GRIA4: variants seen among roughly 807,000 people sequenced by gnomAD.
GRIA4 encodes glutamate ionotropic receptor AMPA type subunit 4.
In GRIA4, 34 loss-of-function variants were observed where a neutral mutation model predicts 104.0. The observed-to-expected ratio is 0.33, with a 90% CI of 0.25 to 0.44. The LOEUF (loss-of-function observed/expected upper bound fraction) is 0.44, where lower values mean the gene tolerates loss of function less well. Among genes scored for constraint, GRIA4 ranks in the 20% least tolerant of loss-of-function variants. GRIA4 has a pLI of 1.00. For synonymous variants in GRIA4, 386 were observed against 381.9 expected (o/e 1.01, Z -0.13); for missense variants, 750 against 1,096.5 (o/e 0.68, Z 4.46).
intron 3 of GRIA4, among the ~76,000 whole-genome samples, chr11:105,721,167 T>G (rs1008599273): frequency 6.6e-6 from 1 of 152,190 alleles, no homozygotes; most frequent in African/African-American, 2.4e-5. Flanking sequence ...CAATCTCTTT[T>G]GCTAATTAAA....
chr11:105,895,404 G>C (rs1199095919), intron 6 of GRIA4, among the ~76,000 whole-genome samples: 1 of 151,618 alleles, frequency 6.6e-6, no homozygotes, highest in African/African-American at 2.4e-5. Flanking sequence ...ATTTTTATAA[G>C]GTACCTAAAA....
chr11:105,832,677 G>T (rs1272158817), intron 4 of GRIA4, among the ~76,000 whole-genome samples: 2 of 151,834 alleles, frequency 1.3e-5, no homozygotes, highest in Non-Finnish European at 2.9e-5. Context: ...CTTTTCATTT[G>T]TCCATGGAGA....
At chr11:105,921,306 G>GGTGTGGGT (rs1947553246) in intron 11 of GRIA4, among the ~76,000 whole-genome samples, 1 of 138,768 alleles carries the variant, frequency 7.2e-6, no homozygotes, top group Admixed American at 7.2e-5. Flanking sequence ...ACCACACTTG[G>GGTGTGGGT]GTGTGTGTGT....
chr11:105,645,884 G>A (rs73636744), intron 3 of GRIA4, among the ~76,000 whole-genome samples: 20 of 152,244 alleles, frequency 1.3e-4, no homozygotes, highest in African/African-American at 4.8e-4. Flanking sequence ...TTGAACAAAA[G>A]TTCAATCTCT....
chr11:105,826,063 C>T (rs867699557), intron 4 of GRIA4, among the ~76,000 whole-genome samples: 1 of 151,968 alleles, frequency 6.6e-6, no homozygotes, highest in East Asian at 1.9e-4. Flanking sequence ...GATTCCCTTG[C>T]CTCCCCAGCA....
chr11:105,819,948 T>C (rs1741802983), intron 4 of GRIA4, among the ~76,000 whole-genome samples: 1 of 152,040 alleles, frequency 6.6e-6, no homozygotes, highest in Non-Finnish European at 1.5e-5. Flanking sequence ...AAGATGGTTA[T>C]GTGAAGATGG....
In GRIA4 at chr11:105,610,927, T is replaced by A; in HGVS notation, c.-71T>A. On this transcript the variant is annotated 5_prime_UTR_variant, in exon 2 of 17. Coordinates refer to ENST00000282499, the MANE Select transcript of GRIA4 (RefSeq NM_000829.4). The stretch of plus-strand genomic sequence containing the variant: ...TTTTAGCGCCATCGTCTTCAATGCT[T>A]CTCTGAACAGCCTTTAGGAAGAGTG... 2 of 830,856 alleles carry A rather than the reference T, an allele frequency of 2.4e-6. No homozygotes were observed. The allele number at this position is 830,856 out of a possible 1,614,324, so 51.5% of individuals were successfully genotyped here.
chr11:105,888,271 CTTTTTT>C (rs71469040), intron 6 of GRIA4, among the ~76,000 whole-genome samples: 16 of 54,560 alleles, frequency 2.9e-4, no homozygotes, highest in East Asian at 6.2e-4. Context: ...ATGTTTTCTC[CTTTTTT>C]TTTTTTTTTT....
At chr11:105,688,162 CTA>C (rs754156987) in intron 3 of GRIA4, among the ~76,000 whole-genome samples, 2 of 136,664 alleles carry the variant, frequency 1.5e-5, no homozygotes, top group African/African-American at 5.8e-5. Flanking sequence ...ATATCTCTAT[CTA>C]TCTATCTATC....
At chr11:105,711,477 A>T (rs1953909109) in intron 3 of GRIA4, among the ~76,000 whole-genome samples, 1 of 152,140 alleles carries the variant, frequency 6.6e-6, no homozygotes, top group Non-Finnish European at 1.5e-5. Flanking sequence ...ATGATAGAAC[A>T]TACTGTGTCT....
At chr11:105,673,053 G>C (rs1445784240) in intron 3 of GRIA4, among the ~76,000 whole-genome samples, 1 of 152,022 alleles carries the variant, frequency 6.6e-6, no homozygotes, top group African/African-American at 2.4e-5. Flanking sequence ...TATGCTCTTA[G>C]AGTAAACTCT....
At chr11:105,884,582 C>G (rs538924497) in intron 5 of GRIA4, among the ~76,000 whole-genome samples, 1 of 152,280 alleles carries the variant, frequency 6.6e-6, no homozygotes, top group African/African-American at 2.4e-5. Flanking sequence ...AGCAGAGATA[C>G]TGATGCCTCT....
intron 4 of GRIA4, among the ~76,000 whole-genome samples, chr11:105,813,104 A>C (rs1200949887): frequency 2.0e-5 from 3 of 151,090 alleles, no homozygotes; most frequent in Non-Finnish European, 3.0e-5. Flanking sequence ...AAAAAAAAAA[A>C]AAAAAAAAAA....
chr11:105,744,577 CA>C (rs1445476990), intron 3 of GRIA4, among the ~76,000 whole-genome samples: 1 of 152,066 alleles, frequency 6.6e-6, no homozygotes, highest in African/African-American at 2.4e-5. Context: ...CACCTCAAAG[CA>C]TTCATATTCA....
rs541415073 is a variant in GRIA4 at position 105,815,449 on chromosome 11, C to T, written c.488-46575C>T. On this transcript the variant is annotated intron_variant, in intron 4 of 16. Coordinates refer to ENST00000282499, the MANE Select transcript of GRIA4 (RefSeq NM_000829.4). Reference sequence around the variant, plus strand: ...AAAGGTAGATGGGAATGTTTCCCTTCCCAGAGCCCTGCTATTCTTCCTACT... The same window carrying T: ...AAAGGTAGATGGGAATGTTTCCCTTTCCAGAGCCCTGCTATTCTTCCTACT... Among the ~76,000 whole-genome samples, 35 of 152,240 alleles carry T rather than the reference C, an allele frequency of 2.3e-4. 1 individual carries two copies. The East Asian group carries it at 2.7e-3, about 12-fold the overall frequency.
intron 3 of GRIA4, among the ~76,000 whole-genome samples, chr11:105,666,242 G>A (rs1054802491): frequency 7.9e-5 from 12 of 151,822 alleles, no homozygotes; most frequent in Non-Finnish European, 1.5e-4. Context: ...TCTATTGATT[G>A]TACCATATTA....
At position 105,808,863 on chromosome 11, in the gene GRIA4, G is replaced by A. The variant is rs914159149; in HGVS notation, c.488-53161G>A. On this transcript the variant is annotated intron_variant, in intron 4 of 16. Coordinates refer to ENST00000282499, the MANE Select transcript of GRIA4 (RefSeq NM_000829.4). ...TCTACAGCTAAATTCCTAACATGAC[G>A]GCAAGTGTAGAATTTAATGAATTCC... Among the ~76,000 whole-genome samples the A allele has an allele frequency of 4.6e-5, 7 of 152,028 alleles. No homozygotes were observed. In the East Asian group the frequency reaches 1.4e-3, roughly 29 times the overall value.
intron 3 of GRIA4, among the ~76,000 whole-genome samples, chr11:105,631,674 T>C (rs1342614046): frequency 6.6e-6 from 1 of 152,322 alleles, no homozygotes; most frequent in East Asian, 1.9e-4. Flanking sequence ...CTTTCTTTGC[T>C]GTGCCACACA....
At position 105,898,415 on chromosome 11, in the gene GRIA4, G is replaced by A. The variant is rs1259726628; in HGVS notation, c.873G>A (p.Glu291=). 6.3e-7 allele frequency: 1 copy of A among 1,575,214 alleles called. No homozygotes were observed. Among genetic ancestry groups the A allele is most frequent in the Non-Finnish European group, 8.7e-7 (1 of 1,146,268 alleles). The change falls in exon 7 of 17, where the codon GAG becomes GAA. Residue 291 remains glutamate, a synonymous_variant. Transcript: ENST00000282499. Reference sequence around the variant, plus strand: ...ATCAGAGAGAGTATCCAGGATCTGAGACTCCTCCAAAGGTATTTGTTTATT... The same window carrying A: ...ATCAGAGAGAGTATCCAGGATCTGAAACTCCTCCAAAGGTATTTGTTTATT... ...KLDQREYPGS[E]TPPKYTSALT...
Sources: gnomAD v4.1 joint callset for allele counts (sites outside exome capture counted in the v4.1 genomes callset) on GRCh38, gnomAD v4.1.1 for gene constraint, MANE v1.5 for transcripts, NCBI Gene and HGNC (gene_info 2026-07-23, HGNC 2026-07-21) for gene names.